The following TGFBR2 variants were observed in gnomAD, a reference collection of about 807,000 sequenced individuals.
TGFBR2 encodes the protein transforming growth factor beta receptor 2, also known as TGF-beta receptor type-2.
In TGFBR2, 18 loss-of-function variants were observed where a neutral mutation model predicts 49.0. The ratio of observed to expected loss-of-function variants is 0.37; its 90% CI spans 0.25 to 0.54. The LOEUF (loss-of-function observed/expected upper bound fraction) is 0.54. TGFBR2 is among the 20% of genes least tolerant of loss of function. TGFBR2 has a pLI of 0.85. For synonymous variants in TGFBR2, 282 were observed against 275.9 expected, an observed-to-expected ratio of 1.02 and a Z score of -0.22; for missense variants, 525 against 722.6, an observed-to-expected ratio of 0.73 and a Z score of 3.13.
At chr3:30,626,398 T>C (rs1430266138) in intron 1 of TGFBR2, 1 of 152,374 alleles carries the variant, frequency 6.6e-6, no homozygotes, top group Non-Finnish European at 1.5e-5. Flanking sequence ...GGCAGAGTAC[T>C]CTTGGTGGGG....
At chr3:30,639,734 T>C (rs141857377) in intron 1 of TGFBR2, among the ~76,000 whole-genome samples, 186 of 152,308 alleles carry the variant, frequency 1.2e-3, no homozygotes, top group African/African-American at 4.2e-3. Flanking sequence ...GTAGAACAAA[T>C]AAATTTCTGA....
intron 1 of TGFBR2, among the ~76,000 whole-genome samples, chr3:30,615,962 G>A (rs184382443): frequency 3.6e-4 from 55 of 152,130 alleles, no homozygotes; most frequent in African/African-American, 1.3e-3. Flanking sequence ...GTCTGGTCTT[G>A]AACACTGGGG....
chr3:30,684,565 T>G (rs1575163577), intron 5 of TGFBR2, among the ~76,000 whole-genome samples: 3 of 152,204 alleles, frequency 2.0e-5, no homozygotes, highest in African/African-American at 7.2e-5. Flanking sequence ...TATTTTAAGC[T>G]TAGGAGGAGG....
At chr3:30,632,297 C>T (rs1275285725) in intron 1 of TGFBR2, among the ~76,000 whole-genome samples, 2 of 152,190 alleles carry the variant, frequency 1.3e-5, no homozygotes, top group Non-Finnish European at 1.5e-5. Flanking sequence ...AGTAGATCAG[C>T]TCTCGCCTGA....
intron 1 of TGFBR2, among the ~76,000 whole-genome samples, chr3:30,620,167 A>T (rs1477537570): frequency 1.3e-5 from 2 of 152,196 alleles, no homozygotes; most frequent in African/African-American, 4.8e-5. Flanking sequence ...AGCCTAGGCG[A>T]CAGAGTGAGA....
intron 6 of TGFBR2, among the ~76,000 whole-genome samples, chr3:30,689,606 G>A (rs889543564): frequency 2.6e-5 from 4 of 152,350 alleles, no homozygotes; most frequent in African/African-American, 4.8e-5. Context: ...AATAAAGTCC[G>A]AGGAGGTTGG....
chr3:30,667,363 T>A (rs1699264246), intron 3 of TGFBR2, among the ~76,000 whole-genome samples: 1 of 152,212 alleles, frequency 6.6e-6, no homozygotes, highest in Non-Finnish European at 1.5e-5. Flanking sequence ...GGGTTAATAC[T>A]GCCAGAGGGT....
At chr3:30,665,362 A>G (rs116720232) in intron 3 of TGFBR2, among the ~76,000 whole-genome samples, 3,571 of 152,354 alleles carry the variant, frequency 0.023, 78 homozygotes, top group Non-Finnish European at 0.034. Flanking sequence ...AGAAGCAACC[A>G]AGGTTCAGTA....
intron 5 of TGFBR2, among the ~76,000 whole-genome samples, chr3:30,677,132 A>G (rs1294606535): frequency 6.6e-6 from 1 of 152,190 alleles, no homozygotes; most frequent in African/African-American, 2.4e-5. Flanking sequence ...CAGCCAGCTT[A>G]TTAAGGCCCT....
chr3:30,625,776 A>G (rs1698321625), intron 1 of TGFBR2, among the ~76,000 whole-genome samples: 2 of 152,184 alleles, frequency 1.3e-5, no homozygotes, highest in African/African-American at 4.8e-5. Context: ...GTATATGTAT[A>G]TAATAATGTT....
intron 6 of TGFBR2, among the ~76,000 whole-genome samples, chr3:30,689,182 G>C (rs562044183): frequency 6.6e-6 from 1 of 152,200 alleles, no homozygotes; most frequent in Non-Finnish European, 1.5e-5. Context: ...GCTGTCCATA[G>C]CAGGGCAGTC....
At chr3:30,645,240 A>T (rs17025879) in intron 2 of TGFBR2, among the ~76,000 whole-genome samples, 126 of 152,232 alleles carry the variant, frequency 8.3e-4, no homozygotes, top group Admixed American at 1.5e-3. Flanking sequence ...CTTAGTAGTC[A>T]TTTAACCGAC....
At chr3:30,688,262 AATTACGT>A (rs1699657605) in intron 5 of TGFBR2, 115 bp from the exon 6 acceptor site, 1 of 1,280,894 alleles carries the variant, frequency 7.8e-7, no homozygotes, top group South Asian at 1.2e-5. Flanking sequence ...CTCTTAGAGT[AATTACGT>A]ATGTATTTGT....
intron 1 of TGFBR2, among the ~76,000 whole-genome samples, chr3:30,642,128 C>G (rs920951296): frequency 2.6e-5 from 4 of 152,168 alleles, no homozygotes; most frequent in African/African-American, 4.8e-5. Context: ...ACTATTCTCA[C>G]GTTTCTAAGG....
chr3:30,613,096 G>T (rs987183652), intron 1 of TGFBR2, among the ~76,000 whole-genome samples: 9 of 151,576 alleles, frequency 5.9e-5, no homozygotes, highest in Non-Finnish European at 1.3e-4. Flanking sequence ...TATGACTGGG[G>T]AGATTCTATC....
intron 1 of TGFBR2, among the ~76,000 whole-genome samples, chr3:30,607,850 A>AATAT (rs200717281): frequency 7.3e-6 from 1 of 137,036 alleles, no homozygotes; most frequent in African/African-American, 3.0e-5. Flanking sequence ...TATATATATA[A>AATAT]ATATATATAA....
chr3:30,665,160 A>C (rs1339277529), intron 3 of TGFBR2, among the ~76,000 whole-genome samples: 1 of 152,218 alleles, frequency 6.6e-6, no homozygotes, highest in South Asian at 2.1e-4. Context: ...AAGCGAGAGT[A>C]TATATGCAAC....
In TGFBR2 at chr3:30,691,639, C is replaced by A; in HGVS notation, c.*40C>A. On this transcript the variant is annotated 3_prime_UTR_variant, in exon 7 of 7. Coordinates refer to ENST00000295754, the MANE Select transcript of TGFBR2 (RefSeq NM_003242.6). ...GCTGGGCCATGTCCAAAGAGGCTGC[C>A]CCTCTCACCAAAGAACAGAGGCAGC... 2 of 1,612,440 alleles carry A rather than the reference C, an allele frequency of 1.2e-6. No homozygotes were observed. The highest frequency in any genetic ancestry group is 1.7e-6 in the Non-Finnish European group (2 of 1,178,682).
chr3:30,692,675 T>C lies in TGFBR2; in HGVS notation c.*1076T>C, dbSNP rs1416463639. On this transcript the variant is annotated 3_prime_UTR_variant, in exon 7 of 7. Transcript: ENST00000295754. Reference sequence around the variant, plus strand: ...TCCATCTTTCTGGGCTCCTGATTGCTCAAGCACAGTTTGGCCTGATGAAGA... The same window carrying C: ...TCCATCTTTCTGGGCTCCTGATTGCCCAAGCACAGTTTGGCCTGATGAAGA... The C allele has an allele frequency of 8.6e-6, 2 of 233,148 alleles. No individual in the cohort carries two copies. The highest frequency in any genetic ancestry group is 1.7e-5 in the Non-Finnish European group (2 of 117,954). 14.4% of individuals were successfully genotyped at this position (233,148 alleles called of 1,614,324 possible).
Sources: gnomAD v4.1 joint callset for allele counts (sites outside exome capture counted in the v4.1 genomes callset) on GRCh38, gnomAD v4.1.1 for gene constraint, MANE v1.5 for transcripts, NCBI Gene and HGNC (gene_info 2026-07-23, HGNC 2026-07-21) for gene names.